The following COL22A1 variants were observed in gnomAD, a reference collection of about 807,000 sequenced individuals.
COL22A1 encodes the protein collagen alpha-1(XXII) chain.
A neutral mutation model predicts 248.9 loss-of-function variants in COL22A1; 221 were observed. The observed-to-expected ratio is 0.89, with a 90% CI of 0.80 to 0.99. The LOEUF (loss-of-function observed/expected upper bound fraction) is 0.99. Among genes scored for constraint, COL22A1 ranks in the 50% least tolerant of loss-of-function variants. The pLI is 0.00. For synonymous variants in COL22A1, 891 were observed against 793.4 expected (o/e 1.12, Z -2.07); for missense variants, 2,240 against 2,179.0 (o/e 1.03, Z -0.56).
intron 1 of COL22A1, among the ~76,000 whole-genome samples, chr8:138,899,713 G>A (rs373404248): frequency 1.2e-4 from 18 of 151,950 alleles, no homozygotes; most frequent in Admixed American, 2.6e-4. Context: ...TAGTAGAGAC[G>A]GGGTTTCACC....
At chr8:138,862,346 G>C (rs1822547216) in intron 3 of COL22A1, among the ~76,000 whole-genome samples, 1 of 152,154 alleles carries the variant, frequency 6.6e-6, no homozygotes, top group Non-Finnish European at 1.5e-5. Flanking sequence ...GTCGGCCTCT[G>C]TCCGTGCCCC....
intron 23 of COL22A1, among the ~76,000 whole-genome samples, chr8:138,730,887 G>A (rs375407580): frequency 3.9e-5 from 6 of 151,996 alleles, no homozygotes; most frequent in African/African-American, 1.5e-4. Flanking sequence ...CTAGATGGGA[G>A]GGGGAGGGGA....
intron 35 of COL22A1, among the ~76,000 whole-genome samples, chr8:138,693,310 G>A (rs1432761089): frequency 6.6e-6 from 1 of 152,184 alleles, no homozygotes; most frequent in Non-Finnish European, 1.5e-5. Context: ...TCTCTGGTTT[G>A]TAGAGTACAT....
In COL22A1 at chr8:138,850,919, C is replaced by T. The variant is rs372161970; in HGVS notation, c.659-6761G>A. Among the ~76,000 whole-genome samples the T allele has an allele frequency of 1.4e-4, 21 of 152,250 alleles. No homozygotes were observed. In the East Asian group the frequency reaches 1.5e-3, roughly 11 times the overall value. On this transcript the variant is annotated intron_variant, in intron 3 of 64. Coordinates refer to ENST00000303045, the MANE Select transcript of COL22A1 (RefSeq NM_152888.3). ...TCTAGTAAGTGCTCATTTATTTATC[C>T]CTTCATTTACCCAACACATATTTGC...
At chr8:138,817,090 C>A (rs1818742958) in intron 7 of COL22A1, among the ~76,000 whole-genome samples, 1 of 152,178 alleles carries the variant, frequency 6.6e-6, no homozygotes, top group Admixed American at 6.5e-5. Context: ...AAGGTGCAGA[C>A]AGGTGAGGCC....
intron 25 of COL22A1, among the ~76,000 whole-genome samples, chr8:138,722,801 ATCT>A (rs1829972984): frequency 7.8e-6 from 1 of 127,680 alleles, no homozygotes; most frequent in African/African-American, 3.0e-5. Context: ...GAGACACTTC[ATCT>A]TCTCCTTTTC....
chr8:138,684,139 C>T (rs1380394388), intron 39 of COL22A1, among the ~76,000 whole-genome samples: 3 of 151,982 alleles, frequency 2.0e-5, no homozygotes, highest in Non-Finnish European at 2.9e-5. Context: ...TGGTGCATCC[C>T]TGTAGTCCCA....
Position 138,821,167 on chromosome 8 carries a change from C to A in COL22A1, c.1214G>T (p.Gly405Val), listed in dbSNP as rs751788655. The A allele has an allele frequency of 1.2e-6, 2 of 1,614,106 alleles. No individual in the cohort carries two copies. The highest frequency in any genetic ancestry group is 2.2e-5 in the South Asian group (2 of 91,084). Residue 405 changes from glycine to valine, a missense_variant, in exon 7 of 65, where the codon GGC (glycine) becomes GTC (valine). By Grantham distance (109) the Gly-to-Val change is moderately radical. Transcript: ENST00000303045. Reference sequence around the variant, plus strand: ...GGGCACACTGTCGTAGAGGCGCTTGCCAATCACAGTCTTGCCCTGGATGTC... The same window carrying A: ...GGGCACACTGTCGTAGAGGCGCTTGACAATCACAGTCTTGCCCTGGATGTC... ...NIDIQGKTVIGKRLYDSVPID... is the reference protein window; with the variant it reads ...NIDIQGKTVIVKRLYDSVPID...
chr8:138,661,969 G>T, intron 43 of COL22A1, 61 bp downstream of exon 43: 1 of 1,314,614 alleles, frequency 7.6e-7, no homozygotes, highest in Non-Finnish European at 1.1e-6. Context: ...ATGGTGGAGG[G>T]CGGGCTTTCA....
At chr8:138,603,812 A>C (rs1427086330) in intron 59 of COL22A1, among the ~76,000 whole-genome samples, 3 of 152,176 alleles carry the variant, frequency 2.0e-5, no homozygotes, top group African/African-American at 7.2e-5. Context: ...TGAAGTTAAG[A>C]ACGTGACCCA....
chr8:138,756,840 A>G (rs1833045880), intron 18 of COL22A1, among the ~76,000 whole-genome samples: 1 of 152,266 alleles, frequency 6.6e-6, no homozygotes, highest in Middle Eastern at 3.4e-3. Flanking sequence ...TCCCTGCCCG[A>G]GACCTGGAAA....
rs547034643 is a variant in COL22A1 at position 138,682,247 on chromosome 8, A to C, written c.3012+2178T>G. ...CATGCATGCATTCCAGAAGTGTTGA[A>C]TCTTTAAAGAACTCAGGTGGAATGC... On this transcript the variant is annotated intron_variant, in intron 39 of 64. Coordinates refer to ENST00000303045, the MANE Select transcript of COL22A1 (RefSeq NM_152888.3). 4.8e-5 allele frequency among the ~76,000 whole-genome samples: 7 copies of C among 146,862 alleles called. No homozygotes were observed. The East Asian group carries it at 6.0e-4, about 13-fold the overall frequency.
intron 32 of COL22A1, among the ~76,000 whole-genome samples, chr8:138,696,142 C>T (rs1222908243): frequency 6.6e-6 from 1 of 152,180 alleles, no homozygotes; most frequent in Admixed American, 6.5e-5. Flanking sequence ...AGAAACAGCA[C>T]AGGTTTGCAG....
At chr8:138,632,693 T>A (rs1178291031) in intron 49 of COL22A1, among the ~76,000 whole-genome samples, 1 of 152,172 alleles carries the variant, frequency 6.6e-6, no homozygotes, top group Non-Finnish European at 1.5e-5. Flanking sequence ...TTATTTTCCA[T>A]GTATGACAAA....
At chr8:138,590,061 T>C (rs549117346) in intron 64 of COL22A1, among the ~76,000 whole-genome samples, 1 of 152,130 alleles carries the variant, frequency 6.6e-6, no homozygotes, top group Admixed American at 6.5e-5. Context: ...CCAGAAAATA[T>C]TGCCTATAGA....
At chr8:138,789,069 C>A (rs1010310451) in intron 12 of COL22A1, among the ~76,000 whole-genome samples, 1 of 152,202 alleles carries the variant, frequency 6.6e-6, no homozygotes, top group Non-Finnish European at 1.5e-5. Context: ...CTCTCACCCT[C>A]TTGTATGAAG....
In COL22A1 at chr8:138,724,505, G is replaced by C. The variant is rs1364218512; in HGVS notation, c.2247+110C>G. The stretch of plus-strand genomic sequence containing the variant: ...GGCTGCAGGCCTTGCTGGCCAAGGA[G>C]TCCTCAGCTCTAGGAAAGTGGCTCT... On this transcript the variant is annotated intron_variant, in intron 25 of 64. Coordinates refer to ENST00000303045, the MANE Select transcript of COL22A1 (RefSeq NM_152888.3). 8 of 1,045,590 alleles carry C rather than the reference G, an allele frequency of 7.7e-6. 1 individual carries two copies. In the South Asian group the frequency reaches 1.1e-4, roughly 14 times the overall value. 64.8% of individuals were successfully genotyped at this position (1,045,590 alleles called of 1,614,324 possible).
chr8:138,717,608 C>T (rs116613494), intron 27 of COL22A1, among the ~76,000 whole-genome samples: 1 of 151,696 alleles, frequency 6.6e-6, no homozygotes, highest in Non-Finnish European at 1.5e-5. Context: ...GGACTATAGG[C>T]ACATACCACC....
At chr8:138,854,712 C>T (rs1208597164) in intron 3 of COL22A1, among the ~76,000 whole-genome samples, 1 of 152,162 alleles carries the variant, frequency 6.6e-6, no homozygotes, top group Non-Finnish European at 1.5e-5. Context: ...TCTGCCCCAG[C>T]CTTGGCCTCC....
Sources: gnomAD v4.1 joint callset for allele counts (sites outside exome capture counted in the v4.1 genomes callset) on GRCh38, gnomAD v4.1.1 for gene constraint, MANE v1.5 for transcripts, NCBI Gene and HGNC (gene_info 2026-07-23, HGNC 2026-07-21) for gene names.